The following MGA variants were observed in gnomAD, a reference collection of about 807,000 sequenced individuals.
MGA encodes the protein MAX dimerization protein MGA, also known as MAX gene-associated protein.
MGA carries 40 observed loss-of-function variants against 261.1 expected under a neutral mutation model. The observed-to-expected ratio is 0.15, with a 90% CI of 0.12 to 0.20. MGA has a LOEUF of 0.20. MGA is among the 10% of genes least tolerant of loss of function. The pLI, the probability that MGA is intolerant of heterozygous loss-of-function variation, is 1.00. For synonymous variants in MGA, 1,302 were observed against 1,290.6 expected (o/e 1.01, Z -0.19); for missense variants, 3,397 against 3,630.5 (o/e 0.94, Z 1.65).
At chr15:41,719,711 C>T (rs1368097463) in intron 9 of MGA, among the ~76,000 whole-genome samples, 1 of 151,992 alleles carries the variant, frequency 6.6e-6, no homozygotes, top group Non-Finnish European at 1.5e-5. Context: ...CACTGCATCT[C>T]CAGTCTGGGT....
chr15:41,654,243 C>A (rs934581462), intron 1 of MGA, among the ~76,000 whole-genome samples: 1 of 152,090 alleles, frequency 6.6e-6, no homozygotes, highest in African/African-American at 2.4e-5. Context: ...AAATACCTGT[C>A]TGCAAAGTTG....
chr15:41,640,063 A>G (rs974067154), intron 1 of MGA, among the ~76,000 whole-genome samples: 1 of 152,166 alleles, frequency 6.6e-6, no homozygotes, highest in Non-Finnish European at 1.5e-5. Context: ...TTTACACAGC[A>G]AGGGCATCAA....
intron 1 of MGA, among the ~76,000 whole-genome samples, chr15:41,660,953 C>G (rs1229833747): frequency 6.6e-6 from 1 of 152,234 alleles, no homozygotes; most frequent in East Asian, 1.9e-4. Context: ...CAGTTTAGAG[C>G]CTAGGTCTCG....
At position 41,754,349 on chromosome 15, in the gene MGA, T is replaced by G. The variant is rs2063021153; in HGVS notation, c.7009-88T>G. The G allele has an allele frequency of 4.0e-6, 5 of 1,242,290 alleles. No individual in the cohort carries two copies. In the South Asian group the frequency reaches 7.0e-5, roughly 17 times the overall value. The allele number at this position is 1,242,290 out of a possible 1,614,324, so 77.0% of individuals were successfully genotyped here. The stretch of plus-strand genomic sequence containing the variant: ...ATATAACATGAATGTCTGGCATTAG[T>G]TGGTTTTATAAGGGGAACAAACATT... On this transcript the variant is annotated intron_variant, in intron 17 of 23. Transcript: ENST00000219905.
At chr15:41,734,374 G>A (rs560286614) in intron 11 of MGA, 148 bp from the exon 12 acceptor site, 7 of 671,954 alleles carry the variant, frequency 1.0e-5, no homozygotes, top group Admixed American at 5.8e-5. Flanking sequence ...TGATAGTAAC[G>A]TAGATGTGCA....
chr15:41,670,931 A>G (rs1185631292), intron 2 of MGA, among the ~76,000 whole-genome samples: 1 of 152,230 alleles, frequency 6.6e-6, no homozygotes, highest in Non-Finnish European at 1.5e-5. Flanking sequence ...CTCTGAATCC[A>G]TTTTGTGCCT....
chr15:41,669,410 ACCAGTATCTT>A lies in MGA; in HGVS notation c.517_526del (p.Pro173SerfsTer40). On this transcript the variant is annotated frameshift_variant, in exon 2 of 24. Coordinates refer to ENST00000219905, the MANE Select transcript of MGA (RefSeq NM_001164273.2). LOFTEE classifies it high-confidence loss of function. ...CCACAGGTCATTATTGGATGCATCA[ACCAGTATCTT>A]TCTATAAACTCAAACTTACCAACAA... is the stretch of plus-strand genomic sequence containing the variant. 6.2e-7 allele frequency: 1 copy of A among 1,613,982 alleles called. No individual in the cohort carries two copies. The highest frequency in any genetic ancestry group is 8.5e-7 in the Non-Finnish European group (1 of 1,179,890).
At chr15:41,684,877 A>G (rs1199527877) in intron 2 of MGA, among the ~76,000 whole-genome samples, 1 of 152,170 alleles carries the variant, frequency 6.6e-6, no homozygotes, top group Non-Finnish European at 1.5e-5. Context: ...GCTTTTCTGT[A>G]GTTTTTGCTT....
Position 41,669,419 on chromosome 15 carries a change from T to C in MGA, c.525T>C (p.Ser175=), listed in dbSNP as rs757330438. 2 of 1,613,928 alleles carry C rather than the reference T, an allele frequency of 1.2e-6. No individual in the cohort carries two copies. Among genetic ancestry groups the C allele is most frequent in the East Asian group, 4.5e-5 (2 of 44,882 alleles). The change falls in exon 2 of 24, where the codon TCT becomes TCC. Residue 175 remains serine, a synonymous_variant. Transcript: ENST00000219905. ...ATTATTGGATGCATCAACCAGTATC[T>C]TTCTATAAACTCAAACTTACCAACA...
chr15:41,631,209 T>C (rs1214884632), intron 1 of MGA, among the ~76,000 whole-genome samples: 1 of 152,242 alleles, frequency 6.6e-6, no homozygotes, highest in Admixed American at 6.5e-5. Context: ...TGCAGTCTTA[T>C]ATCAGTTTTC....
At chr15:41,760,262 A>G (rs2151988658) in intron 19 of MGA, 61 bp from the exon 20 acceptor site, 1 of 1,531,458 alleles carries the variant, frequency 6.5e-7, no homozygotes. Flanking sequence ...TGTCATTTGA[A>G]ACAGAGTAAG....
Position 41,710,951 on chromosome 15 carries a change from C to G in MGA, c.2686C>G (p.Arg896Gly). ...ACCTCATTCTGTACCCCCTGTCTCT[C>G]GAAAGGCAAAGTCTCAAAACAGACA... Residue 896 changes from arginine to glycine, a missense_variant, in exon 8 of 24, where the codon CGA (arginine) becomes GGA (glycine). By Grantham distance (125) the Arg-to-Gly change is moderately radical. Coordinates refer to ENST00000219905, the MANE Select transcript of MGA (RefSeq NM_001164273.2). 1.2e-6 allele frequency: 2 copies of G among 1,613,948 alleles called. No homozygotes were observed. The highest frequency in any genetic ancestry group is 1.7e-6 in the Non-Finnish European group (2 of 1,179,872).
At chr15:41,626,303 A>G (rs1195305885) in intron 1 of MGA, among the ~76,000 whole-genome samples, 1 of 126,414 alleles carries the variant, frequency 7.9e-6, no homozygotes, top group Non-Finnish European at 1.7e-5. Context: ...TTTTTTTTTG[A>G]CAAGTGGTCT....
At chr15:41,692,834 C>T (rs2059355542) in intron 2 of MGA, among the ~76,000 whole-genome samples, 1 of 152,134 alleles carries the variant, frequency 6.6e-6, no homozygotes. Context: ...GCCTCAGCCT[C>T]CCGAGTAGCT....
intron 22 of MGA, among the ~76,000 whole-genome samples, chr15:41,764,340 G>A (rs1010843310): frequency 1.4e-5 from 2 of 144,430 alleles, no homozygotes; most frequent in African/African-American, 2.6e-5. Context: ...TGCCAGCTCC[G>A]CCTCCCAGGT....
intron 9 of MGA, among the ~76,000 whole-genome samples, chr15:41,724,263 A>G (rs1201937998): frequency 2.6e-5 from 4 of 152,192 alleles, no homozygotes; most frequent in Non-Finnish European, 5.9e-5. Flanking sequence ...CAAAAGACAT[A>G]CTTGTACATA....
At chr15:41,763,508 C>T (rs1026720530) in intron 22 of MGA, among the ~76,000 whole-genome samples, 2 of 151,978 alleles carry the variant, frequency 1.3e-5, no homozygotes, top group Admixed American at 1.3e-4. Context: ...CTTTGGGAGG[C>T]TGAGGCGGGC....
chr15:41,663,472 TTTA>T (rs1028828703), intron 1 of MGA, among the ~76,000 whole-genome samples: 18 of 136,020 alleles, frequency 1.3e-4, no homozygotes, highest in African/African-American at 4.5e-4. Context: ...TTTTCTTTTC[TTTA>T]TTATTATTAT....
At chr15:41,645,549 A>G (rs1371083750) in intron 1 of MGA, among the ~76,000 whole-genome samples, 1 of 152,168 alleles carries the variant, frequency 6.6e-6, no homozygotes, top group African/African-American at 2.4e-5. Flanking sequence ...GTGCCACTGC[A>G]CTCCAGCCTG....
Sources: allele counts gnomAD v4.1 joint callset (sites outside exome capture counted in the v4.1 genomes callset), GRCh38; gene constraint gnomAD v4.1.1; transcripts MANE v1.5; gene names NCBI Gene and HGNC (gene_info 2026-07-23, HGNC 2026-07-21).